Variants in ACVR1C observed in about 807,000 individuals in gnomAD.
ACVR1C encodes activin A receptor type 1C, also known as activin receptor type-1C.
In ACVR1C, 23 loss-of-function variants were observed where a neutral mutation model predicts 57.9. The observed-to-expected ratio is 0.40, with a 90% CI of 0.29 to 0.56. ACVR1C has a LOEUF of 0.56. ACVR1C is among the 20% of genes least tolerant of loss of function. ACVR1C has a pLI of 0.50. For missense variants in ACVR1C, 480 were observed against 607.9 expected (o/e 0.79, Z 2.21); for synonymous variants, 214 against 215.3 (o/e 0.99, Z 0.05).
intron 1 of ACVR1C, among the ~76,000 whole-genome samples, chr2:157,612,757 A>G (rs1220702537): frequency 1.3e-5 from 2 of 152,116 alleles, no homozygotes; most frequent in African/African-American, 4.8e-5. Flanking sequence ...CTAGAGTACT[A>G]AGGAGCACAC....
Position 157,544,476 on chromosome 2 carries a change from T to G in ACVR1C, c.912A>C (p.Ala304=). ...KLALSIASGL[A]HLHMEIVGTQ... ...TACCAACAATCTCCATATGAAGGTGTGCCAGACCACTAGCAATTGAGAGCG... is the reference window on the plus strand; with the variant it reads ...TACCAACAATCTCCATATGAAGGTGGGCCAGACCACTAGCAATTGAGAGCG... Residue 304 remains alanine, a synonymous_variant, in exon 5 of 9, where the codon GCA becomes GCC. Transcript: ENST00000243349. The G allele has an allele frequency of 1.9e-6, 3 of 1,613,830 alleles. No homozygotes were observed. The highest frequency in any genetic ancestry group is 2.5e-6 in the Non-Finnish European group (3 of 1,179,894).
rs1329917424 is a variant in ACVR1C at position 157,616,592 on chromosome 2, T to C, written c.73+11980A>G. On this transcript the variant is annotated intron_variant, in intron 1 of 8. Transcript: ENST00000243349. ...CTTGTGAGTAGGGTTTTTCCTTAAG[T>C]ATCTCCTCATAATTATTGGTTGATG... is the stretch of plus-strand genomic sequence containing the variant. 2.0e-5 allele frequency among the ~76,000 whole-genome samples: 3 copies of C among 152,144 alleles called. No homozygotes were observed. The East Asian group carries it at 5.8e-4, about 29-fold the overall frequency.
At chr2:157,548,415 T>C (rs1166226589) in intron 4 of ACVR1C, among the ~76,000 whole-genome samples, 1 of 147,032 alleles carries the variant, frequency 6.8e-6, no homozygotes, top group African/African-American at 2.5e-5. Context: ...CTTCACAGAA[T>C]TGGAAAAAAC....
At chr2:157,549,840 A>AAG in intron 4 of ACVR1C, among the ~76,000 whole-genome samples, 1 of 149,314 alleles carries the variant, frequency 6.7e-6, no homozygotes, top group Admixed American at 6.6e-5. Flanking sequence ...AAAAAAAAAA[A>AAG]AAAAAAAAAA....
intron 1 of ACVR1C, among the ~76,000 whole-genome samples, chr2:157,589,163 A>G (rs1689003527): frequency 6.6e-6 from 1 of 151,564 alleles, no homozygotes; most frequent in Admixed American, 6.6e-5. Context: ...GGGTATAAGC[A>G]TTTGCTTTTC....
Position 157,575,486 on chromosome 2 carries a change from C to T in ACVR1C, c.304+11701G>A, listed in dbSNP as rs193121707. On this transcript the variant is annotated intron_variant, in intron 2 of 8. Transcript: ENST00000243349. Reference sequence around the variant, plus strand: ...ATTTCACCACCTGGCCAAGGCTGGTCTTGAACTCCTAGGCTAAACAGATCC... The same window carrying T: ...ATTTCACCACCTGGCCAAGGCTGGTTTTGAACTCCTAGGCTAAACAGATCC... Among the ~76,000 whole-genome samples, 413 of 152,282 alleles carry T rather than the reference C, an allele frequency of 2.7e-3. 2 individuals are homozygous for T. Among genetic ancestry groups the T allele is most frequent in the Middle Eastern group, 6.8e-3 (2 of 294 alleles).
intron 1 of ACVR1C, among the ~76,000 whole-genome samples, chr2:157,594,505 T>G (rs1682035967): frequency 6.6e-6 from 1 of 152,066 alleles, no homozygotes; most frequent in African/African-American, 2.4e-5. Context: ...ATTCTACTGG[T>G]TTATAAATCA....
At chr2:157,577,880 T>A (rs1337031487) in intron 2 of ACVR1C, among the ~76,000 whole-genome samples, 1 of 152,090 alleles carries the variant, frequency 6.6e-6, no homozygotes, top group Non-Finnish European at 1.5e-5. Context: ...TTTTTGTTTT[T>A]GTTTTTGTTT....
intron 6 of ACVR1C, among the ~76,000 whole-genome samples, chr2:157,542,370 A>C (rs548468193): frequency 6.6e-6 from 1 of 152,268 alleles, no homozygotes; most frequent in East Asian, 1.9e-4. Context: ...AAGGCTTTGG[A>C]GGAGCTACAT....
chr2:157,548,969 A>G (rs1486033967), intron 4 of ACVR1C, among the ~76,000 whole-genome samples: 1 of 152,246 alleles, frequency 6.6e-6, no homozygotes, highest in African/African-American at 2.4e-5. Flanking sequence ...CAGCCCTAAC[A>G]AAGTTGAACA....
intron 2 of ACVR1C, among the ~76,000 whole-genome samples, chr2:157,573,727 ACAT>A (rs1688579351): frequency 6.6e-6 from 1 of 152,130 alleles, no homozygotes; most frequent in South Asian, 2.1e-4. Context: ...GTGCTATTTG[ACAT>A]CATCATTATT....
At chr2:157,615,011 T>C (rs912108452) in intron 1 of ACVR1C, among the ~76,000 whole-genome samples, 2 of 152,240 alleles carry the variant, frequency 1.3e-5, no homozygotes, top group African/African-American at 4.8e-5. Context: ...TAATTATTGG[T>C]ATAACTGAAT....
At chr2:157,565,332 T>A (rs983589105) in intron 2 of ACVR1C, among the ~76,000 whole-genome samples, 1 of 152,106 alleles carries the variant, frequency 6.6e-6, no homozygotes, top group Non-Finnish European at 1.5e-5. Flanking sequence ...CACTTACTGG[T>A]TGCAGGCAGA....
At chr2:157,597,607 T>C in intron 1 of ACVR1C, 2 of 981,006 alleles carry the variant, frequency 2.0e-6, no homozygotes, top group Non-Finnish European at 1.2e-6. Context: ...CCGGGTACCA[T>C]CTAGTGGCAG....
intron 3 of ACVR1C, among the ~76,000 whole-genome samples, chr2:157,552,168 G>C (rs1268528969): frequency 6.6e-6 from 1 of 152,056 alleles, no homozygotes; most frequent in Non-Finnish European, 1.5e-5. Flanking sequence ...ATGGAGTCTT[G>C]CTCTGTCAGG....
At chr2:157,580,140 T>C (rs1172166281) in intron 2 of ACVR1C, among the ~76,000 whole-genome samples, 1 of 152,130 alleles carries the variant, frequency 6.6e-6, no homozygotes, top group East Asian at 1.9e-4. Context: ...CAAATAGTTA[T>C]CTTTTTCCAG....
intron 1 of ACVR1C, among the ~76,000 whole-genome samples, chr2:157,595,577 T>C (rs1030452504): frequency 1.1e-4 from 16 of 152,236 alleles, no homozygotes; most frequent in African/African-American, 3.6e-4. Flanking sequence ...TCCCCAGTAA[T>C]TGGGGTTTCT....
At position 157,587,330 on chromosome 2, in the gene ACVR1C, T is replaced by C. The variant is rs1475354337; in HGVS notation, c.161A>G (p.Asn54Ser). 9 of 1,613,680 alleles carry C rather than the reference T, an allele frequency of 5.6e-6. No individual in the cohort carries two copies. In the South Asian group the frequency reaches 9.9e-5, roughly 18 times the overall value. ...GGATTTGATCACCTGCTCTTTTCCA[T>C]TGGTTAGCATGACTGATGCCCAACA... ...GACWASVMLT[N>S]GKEQVIKSCV... Residue 54 changes from asparagine to serine, a missense_variant, in exon 2 of 9, where the codon AAT (asparagine) becomes AGT (serine). Asn to Ser is a conservative substitution (Grantham distance 46). Coordinates refer to ENST00000243349, the MANE Select transcript of ACVR1C (RefSeq NM_145259.3).
chr2:157,553,506 C>T (rs1281685068), intron 3 of ACVR1C, among the ~76,000 whole-genome samples: 1 of 151,654 alleles, frequency 6.6e-6, no homozygotes, highest in African/African-American at 2.4e-5. Context: ...GAAAATGTAA[C>T]ATTAATTTTT....
Sources: allele counts gnomAD v4.1 joint callset (sites outside exome capture counted in the v4.1 genomes callset), GRCh38; gene constraint gnomAD v4.1.1; transcripts MANE v1.5; gene names NCBI Gene and HGNC (gene_info 2026-07-23, HGNC 2026-07-21).